ST6GALNAC5: variants seen among roughly 807,000 people sequenced by gnomAD.
ST6GALNAC5 encodes alpha-N-acetylgalactosaminide alpha-2,6-sialyltransferase 5.
ST6GALNAC5 carries 27 observed loss-of-function variants against 33.6 expected under a neutral mutation model. The observed-to-expected ratio is 0.80, with a 90% confidence interval of 0.59 to 1.11. The LOEUF is 1.11. Ranked by LOEUF, ST6GALNAC5 falls within the 50% of genes least tolerant of loss-of-function variation. The pLI, the probability that ST6GALNAC5 is intolerant of heterozygous loss-of-function variation, is 0.00. For synonymous variants in ST6GALNAC5, 194 were observed against 171.2 expected (o/e 1.13, Z -1.04); for missense variants, 428 against 454.0 (o/e 0.94, Z 0.52).
intron 2 of ST6GALNAC5, among the ~76,000 whole-genome samples, chr1:76,912,308 G>A (rs1480113523): frequency 6.6e-6 from 1 of 152,044 alleles, no homozygotes; most frequent in East Asian, 1.9e-4. Flanking sequence ...TATAATTTCT[G>A]TTCTTTTACA....
At chr1:76,982,651 A>G (rs1212232253) in intron 2 of ST6GALNAC5, among the ~76,000 whole-genome samples, 1 of 152,244 alleles carries the variant, frequency 6.6e-6, no homozygotes, top group Non-Finnish European at 1.5e-5. Flanking sequence ...CAAATTCGGG[A>G]AATACAGAGA....
chr1:76,909,988 T>C (rs1302976406), intron 2 of ST6GALNAC5, among the ~76,000 whole-genome samples: 1 of 152,048 alleles, frequency 6.6e-6, no homozygotes, highest in Non-Finnish European at 1.5e-5. Context: ...AGTCATAATA[T>C]GCTTAGGAAA....
At position 76,960,254 on chromosome 1, in the gene ST6GALNAC5, A is replaced by G. The variant is rs76574725; in HGVS notation, c.262-83950A>G. ...TTAAAGCTGGGTATCCGGGGGAGAC[A>G]TCACATGTCAGCAGGTTCCGTGATG... On this transcript the variant is annotated intron_variant, in intron 2 of 4. Coordinates refer to ENST00000477717, the MANE Select transcript of ST6GALNAC5 (RefSeq NM_030965.3). Among the ~76,000 whole-genome samples the G allele has an allele frequency of 3.2e-3, 481 of 152,230 alleles. 3 individuals are homozygous for G. Among genetic ancestry groups the G allele is most frequent in the African/African-American group, 0.011 (463 of 41,558 alleles).
At position 76,868,716 on chromosome 1, in the gene ST6GALNAC5, G is replaced by C; in HGVS notation, c.235G>C (p.Gly79Arg). 2.0e-6 allele frequency: 3 copies of C among 1,520,556 alleles called. No homozygotes were observed. The highest frequency in any genetic ancestry group is 8.8e-7 in the Non-Finnish European group (1 of 1,136,296). 94.2% of individuals were successfully genotyped at this position (1,520,556 alleles called of 1,614,324 possible). The change falls in exon 2 of 5, where the codon GGA becomes CGA. Residue 79 changes from glycine (G) to arginine (R), a missense_variant. Physicochemically the swap from Gly to Arg is moderately radical, Grantham distance 125. Transcript: ENST00000477717. The surrounding 1 kb of genome is among the most constrained non-coding windows in gnomAD (Gnocchi z 4.3). ...CCCCGCGGGACCGCGGCCACTGGACGGATACCTCGGAGTGGCGGACCACAA... is the reference window on the plus strand; with the variant it reads ...CCCCGCGGGACCGCGGCCACTGGACCGATACCTCGGAGTGGCGGACCACAA... ...GVPAGPRPLD[G>R]YLGVADHKPL...
intron 2 of ST6GALNAC5, among the ~76,000 whole-genome samples, chr1:76,970,355 C>G (rs770020435): frequency 4.9e-4 from 74 of 151,720 alleles, no homozygotes; most frequent in Non-Finnish European, 1.9e-4. Flanking sequence ...GTAGAGAAGA[C>G]CTTAAATGAC....
At chr1:76,904,671 A>G (rs1646848407) in intron 2 of ST6GALNAC5, among the ~76,000 whole-genome samples, 1 of 152,112 alleles carries the variant, frequency 6.6e-6, no homozygotes, top group Non-Finnish European at 1.5e-5. Flanking sequence ...CCAAAAATAC[A>G]AAAATTAGCC....
intron 2 of ST6GALNAC5, among the ~76,000 whole-genome samples, chr1:76,873,399 A>C (rs1019705863): frequency 6.6e-6 from 1 of 152,218 alleles, no homozygotes; most frequent in Admixed American, 6.5e-5. Context: ...CTAGAATCTA[A>C]GTACTGTGAC....
intron 2 of ST6GALNAC5, among the ~76,000 whole-genome samples, chr1:77,026,791 C>CTGAATGAA (rs58272106): frequency 0.013 from 1,987 of 149,298 alleles, 18 homozygotes; most frequent in Non-Finnish European, 0.014. Context: ...AGAACACTTT[C>CTGAATGAA]TGAATGAATG....
At chr1:76,980,780 G>A (rs1217747289) in intron 2 of ST6GALNAC5, among the ~76,000 whole-genome samples, 1 of 152,154 alleles carries the variant, frequency 6.6e-6, no homozygotes, top group East Asian at 1.9e-4. Flanking sequence ...AAAAGAAAAT[G>A]TAGGTATAAA....
chr1:77,015,672 G>A (rs764237130), intron 2 of ST6GALNAC5, among the ~76,000 whole-genome samples: 3 of 152,070 alleles, frequency 2.0e-5, no homozygotes, highest in African/African-American at 7.2e-5. Context: ...TTCAGAGGAG[G>A]GGCACCTGCC....
chr1:76,921,961 G>A (rs948472563), intron 2 of ST6GALNAC5, among the ~76,000 whole-genome samples: 24 of 152,144 alleles, frequency 1.6e-4, no homozygotes, highest in African/African-American at 4.6e-4. Flanking sequence ...ATGAAAGGAC[G>A]TTTGGCATCA....
chr1:76,894,334 T>A (rs1570646093), intron 2 of ST6GALNAC5, among the ~76,000 whole-genome samples: 1 of 152,174 alleles, frequency 6.6e-6, no homozygotes, highest in East Asian at 1.9e-4. Flanking sequence ...GTGTACGGCA[T>A]GTACACCGCA....
chr1:76,964,870 T>A (rs1648393009), intron 2 of ST6GALNAC5, among the ~76,000 whole-genome samples: 1 of 152,146 alleles, frequency 6.6e-6, no homozygotes, highest in Non-Finnish European at 1.5e-5. Context: ...TGGTTTTCTG[T>A]CCTTGGGATA....
chr1:76,924,914 T>C (rs920942042), intron 2 of ST6GALNAC5, among the ~76,000 whole-genome samples: 1 of 152,278 alleles, frequency 6.6e-6, no homozygotes, highest in African/African-American at 2.4e-5. Flanking sequence ...TTTGTAATAC[T>C]ATAAAGGAAT....
chr1:76,911,605 T>C (rs1049193822), intron 2 of ST6GALNAC5, among the ~76,000 whole-genome samples: 1 of 152,138 alleles, frequency 6.6e-6, no homozygotes, highest in Non-Finnish European at 1.5e-5. Flanking sequence ...CTATTGATTA[T>C]TGCCACAATT....
At chr1:76,967,112 A>C (rs1281316822) in intron 2 of ST6GALNAC5, among the ~76,000 whole-genome samples, 1 of 152,202 alleles carries the variant, frequency 6.6e-6, no homozygotes. Flanking sequence ...CTGGCCTCAT[A>C]AAATGAGCTA....
intron 2 of ST6GALNAC5, among the ~76,000 whole-genome samples, chr1:76,914,150 T>A (rs1646943243): frequency 6.6e-6 from 1 of 152,086 alleles, no homozygotes; most frequent in African/African-American, 2.4e-5. Context: ...AAGGACCTCT[T>A]CAAGGAGAAC....
At chr1:76,947,036 G>C (rs1319541410) in intron 2 of ST6GALNAC5, among the ~76,000 whole-genome samples, 1 of 152,042 alleles carries the variant, frequency 6.6e-6, no homozygotes, top group Non-Finnish European at 1.5e-5. Flanking sequence ...CTGGGTGGGT[G>C]ACAATTCAAA....
intron 2 of ST6GALNAC5, among the ~76,000 whole-genome samples, chr1:76,938,264 G>A (rs951149842): frequency 2.6e-5 from 4 of 152,072 alleles, no homozygotes; most frequent in Non-Finnish European, 4.4e-5. Context: ...AGCAAAGGGT[G>A]AAGAAAGGAA....
Sources: allele counts gnomAD v4.1 joint callset (sites outside exome capture counted in the v4.1 genomes callset), GRCh38; gene constraint gnomAD v4.1.1; non-coding constraint Gnocchi (gnomAD v3.1); transcripts MANE v1.5; gene names NCBI Gene and HGNC (gene_info 2026-07-23, HGNC 2026-07-21).